TCEA1: variants seen among roughly 807,000 people sequenced by gnomAD.
TCEA1 encodes the protein transcription elongation factor A protein 1.
Under a neutral mutation model 43.8 loss-of-function variants are expected in TCEA1, and 21 were observed. That is an observed-to-expected ratio of 0.48 (90% CI 0.34 to 0.69). The LOEUF is 0.69. TCEA1 is among the 30% of genes least tolerant of loss of function. The pLI is 0.01. For synonymous variants in TCEA1, 104 were observed against 117.5 expected, an observed-to-expected ratio of 0.88 and a Z score of 0.75; for missense variants, 250 against 365.1, an observed-to-expected ratio of 0.68 and a Z score of 2.57.
chr8:54,008,421 G>C (rs779063151), intron 2 of TCEA1, among the ~76,000 whole-genome samples: 46 of 152,016 alleles, frequency 3.0e-4, no homozygotes, highest in Non-Finnish European at 5.7e-4. Flanking sequence ...CCAGCACTTT[G>C]GGAGACCAAG....
At chr8:53,993,979 C>T (rs1293416503) in intron 3 of TCEA1, among the ~76,000 whole-genome samples, 1 of 152,138 alleles carries the variant, frequency 6.6e-6, no homozygotes, top group Middle Eastern at 3.2e-3. Flanking sequence ...AATTCACATG[C>T]CATGGGAACC....
chr8:54,005,642 C>G (rs139444677), intron 2 of TCEA1, among the ~76,000 whole-genome samples: 1 of 152,330 alleles, frequency 6.6e-6, no homozygotes, highest in Non-Finnish European at 1.5e-5. Context: ...TCACCTCCAT[C>G]CAAACAACTA....
At chr8:54,006,926 C>T (rs1399428624) in intron 2 of TCEA1, among the ~76,000 whole-genome samples, 3 of 152,054 alleles carry the variant, frequency 2.0e-5, no homozygotes, top group South Asian at 4.1e-4. Flanking sequence ...CAACCTCCGC[C>T]TCCTGGGTTC....
At chr8:54,013,164 T>C (rs529796289) in intron 1 of TCEA1, among the ~76,000 whole-genome samples, 2 of 152,174 alleles carry the variant, frequency 1.3e-5, no homozygotes, top group Admixed American at 6.6e-5. Context: ...ATATCAGCAA[T>C]GAGACATACA....
Position 53,999,032 on chromosome 8 carries a change from C to T in TCEA1, c.232+913G>A, listed in dbSNP as rs187520572. Among the ~76,000 whole-genome samples, 1,125 of 151,916 alleles carry T rather than the reference C, an allele frequency of 7.4e-3. 9 individuals carry two copies. Among genetic ancestry groups the T allele is most frequent in the African/African-American group, 0.014 (581 of 41,446 alleles). On this transcript the variant is annotated intron_variant, in intron 3 of 9. Transcript: ENST00000521604. The stretch of plus-strand genomic sequence containing the variant: ...TCACAAGGTCAGGTGATCGAGACCA[C>T]CCTGGCTAACACGGTGAAACCTCGT...
At chr8:53,972,758 C>A in intron 8 of TCEA1, 1 of 710,926 alleles carries the variant, frequency 1.4e-6, no homozygotes, top group East Asian at 2.6e-5. Flanking sequence ...GACTGAAGTA[C>A]TATTATGCAG....
chr8:54,012,908 G>A (rs906381975), intron 1 of TCEA1, among the ~76,000 whole-genome samples: 1 of 146,822 alleles, frequency 6.8e-6, no homozygotes, highest in South Asian at 2.2e-4. Context: ...AGTCTAGCCT[G>A]TGTGGACAGA....
chr8:53,975,659 T>G (rs571193632), intron 8 of TCEA1, among the ~76,000 whole-genome samples: 1 of 152,354 alleles, frequency 6.6e-6, no homozygotes, highest in East Asian at 1.9e-4. Context: ...CATTCTATGA[T>G]TCTACTTATA....
At chr8:54,009,444 G>A (rs1487346941) in intron 2 of TCEA1, among the ~76,000 whole-genome samples, 2 of 152,038 alleles carry the variant, frequency 1.3e-5, no homozygotes, top group East Asian at 3.9e-4. Flanking sequence ...ATGAATAACT[G>A]GATAAAGAAA....
intron 8 of TCEA1, chr8:53,973,891 A>T (rs1803243316): frequency 3.2e-6 from 1 of 313,220 alleles, no homozygotes; most frequent in South Asian, 3.3e-5. Context: ...AAGAAAAAAG[A>T]GGGCCAGGCA....
intron 2 of TCEA1, among the ~76,000 whole-genome samples, chr8:54,008,047 C>T (rs4738564): frequency 0.37 from 56,475 of 151,314 alleles, 15,012 homozygotes; most frequent in East Asian, 0.74. Flanking sequence ...CTGGGCATGG[C>T]GGCAGGCGCC....
At chr8:53,994,172 C>G (rs572871126) in intron 3 of TCEA1, among the ~76,000 whole-genome samples, 7 of 152,278 alleles carry the variant, frequency 4.6e-5, no homozygotes, top group African/African-American at 7.2e-5. Flanking sequence ...TGACAAAACT[C>G]TGTCTCTACA....
At chr8:53,994,093 T>C (rs4738556) in intron 3 of TCEA1, among the ~76,000 whole-genome samples, 30,059 of 152,264 alleles carry the variant, frequency 0.2, 4,282 homozygotes, top group East Asian at 0.74. Flanking sequence ...GGCTCACGCC[T>C]GTAATTCCAG....
chr8:53,977,846 G>A (rs942053675), intron 8 of TCEA1, among the ~76,000 whole-genome samples: 1 of 152,098 alleles, frequency 6.6e-6, no homozygotes, highest in Non-Finnish European at 1.5e-5. Context: ...TTATCCAGAA[G>A]ACAGTTAAGC....
chr8:53,990,377 TC>T lies in TCEA1; in HGVS notation c.321-2119del, dbSNP rs1332337669. Among the ~76,000 whole-genome samples, 500 of 150,096 alleles carry T rather than the reference TC, an allele frequency of 3.3e-3. 1 individual carries two copies. The highest frequency in any genetic ancestry group is 0.012 in the African/African-American group (480 of 40,842). On this transcript the variant is annotated intron_variant, in intron 4 of 9. Coordinates refer to ENST00000521604, the MANE Select transcript of TCEA1 (RefSeq NM_006756.4). The stretch of plus-strand genomic sequence containing the variant: ...TTTCTTTTCTTTTTTTTTTTTTTTT[TC>T]TTTTGAGACAGTCTTACGCTGTCAC...
chr8:54,003,021 C>T, intron 2 of TCEA1: 1 of 456,224 alleles, frequency 2.2e-6, no homozygotes, highest in Non-Finnish European at 4.4e-6. Flanking sequence ...ATTTGGTGTG[C>T]TCCAGAAGAA....
At position 53,985,026 on chromosome 8, in the gene TCEA1, T is replaced by C. The variant is rs184705391; in HGVS notation, c.524-509A>G. Among the ~76,000 whole-genome samples, 651 of 152,174 alleles carry C rather than the reference T, an allele frequency of 4.3e-3. 3 individuals are homozygous for C. The highest frequency in any genetic ancestry group is 0.014 in the African/African-American group (578 of 41,530). Reference sequence around the variant, plus strand: ...ATATTACTTTTACACTGTAAAGTAGTTGTTTGTTTTGAAGGTGGGTAGAAG... The same window carrying C: ...ATATTACTTTTACACTGTAAAGTAGCTGTTTGTTTTGAAGGTGGGTAGAAG... On this transcript the variant is annotated intron_variant, in intron 6 of 9. Transcript: ENST00000521604.
chr8:53,999,831 T>C (rs1425339336), intron 3 of TCEA1, 114 bp downstream of exon 3: 8 of 745,218 alleles, frequency 1.1e-5, no homozygotes, highest in Admixed American at 2.4e-5. Context: ...GCTTTCAGTA[T>C]ATCTAGATTC....
chr8:53,973,183 A>G (rs1585986136), intron 8 of TCEA1: 11 of 508,066 alleles, frequency 2.2e-5, no homozygotes, highest in South Asian at 2.0e-4. Context: ...AGGACGATGA[A>G]GAACAAATCA....
Sources: gnomAD v4.1 joint callset for allele counts (sites outside exome capture counted in the v4.1 genomes callset) on GRCh38, gnomAD v4.1.1 for gene constraint, MANE v1.5 for transcripts, NCBI Gene and HGNC (gene_info 2026-07-23, HGNC 2026-07-21) for gene names.